VWC2: variants seen among roughly 807,000 people sequenced by gnomAD.
The protein encoded by VWC2 is brorin.
VWC2 carries 14 observed loss-of-function variants against 29.8 expected under a neutral mutation model. The observed-to-expected ratio is 0.47, with a 90% CI of 0.31 to 0.74. The LOEUF (loss-of-function observed/expected upper bound fraction) is 0.74. Among genes scored for constraint, VWC2 ranks in the 30% least tolerant of loss-of-function variants. VWC2 has a pLI of 0.05. For missense variants in VWC2, 457 were observed against 459.8 expected, an observed-to-expected ratio of 0.99 and a Z score of 0.05; for synonymous variants, 213 against 199.0, an observed-to-expected ratio of 1.07 and a Z score of -0.59.
chr7:49,836,386 TG>T (rs1789658214), intron 3 of VWC2, among the ~76,000 whole-genome samples: 1 of 150,962 alleles, frequency 6.6e-6, no homozygotes, highest in Non-Finnish European at 1.5e-5. Flanking sequence ...CCCAGTACTT[TG>T]GGAGGCAGAA....
intron 3 of VWC2, among the ~76,000 whole-genome samples, chr7:49,804,626 G>C (rs1468469829): frequency 6.6e-6 from 1 of 152,148 alleles, no homozygotes; most frequent in East Asian, 1.9e-4. Flanking sequence ...TGAGAAGACA[G>C]GATTTCAACC....
chr7:49,781,398 C>G (rs992379834), intron 2 of VWC2, among the ~76,000 whole-genome samples: 6 of 152,086 alleles, frequency 3.9e-5, no homozygotes, highest in Non-Finnish European at 8.8e-5. Context: ...ACACCATAAT[C>G]TTTTACAGTG....
At chr7:49,810,209 A>G in intron 3 of VWC2, among the ~76,000 whole-genome samples, 1 of 152,000 alleles carries the variant, frequency 6.6e-6, no homozygotes, top group Non-Finnish European at 1.5e-5. Context: ...GCTAATAAAG[A>G]TTAATACCAG....
At chr7:49,875,114 G>A (rs1298226003) in intron 3 of VWC2, among the ~76,000 whole-genome samples, 1 of 151,320 alleles carries the variant, frequency 6.6e-6, no homozygotes. Context: ...GCTCATGCCT[G>A]TAATCCCAGC....
chr7:49,842,065 A>G (rs1789806986), intron 3 of VWC2, among the ~76,000 whole-genome samples: 1 of 152,150 alleles, frequency 6.6e-6, no homozygotes, highest in Non-Finnish European at 1.5e-5. Flanking sequence ...ACGAGGTTTC[A>G]CCATGTTGCC....
intron 3 of VWC2, among the ~76,000 whole-genome samples, chr7:49,805,755 G>A (rs1363658871): frequency 6.6e-6 from 1 of 152,148 alleles, no homozygotes; most frequent in African/African-American, 2.4e-5. Context: ...TGCTTTATAT[G>A]AAATTAAAAG....
intron 3 of VWC2, among the ~76,000 whole-genome samples, chr7:49,838,111 G>T (rs1052766334): frequency 5.3e-5 from 8 of 152,198 alleles, no homozygotes; most frequent in Non-Finnish European, 1.0e-4. Flanking sequence ...TAGCTAGGGG[G>T]ACAGAGGACT....
At chr7:49,843,847 T>C (rs1789855286) in intron 3 of VWC2, among the ~76,000 whole-genome samples, 1 of 152,206 alleles carries the variant, frequency 6.6e-6, no homozygotes, top group African/African-American at 2.4e-5. Context: ...AATCTGTCAG[T>C]TGTGCAGAGG....
At chr7:49,834,525 G>A (rs1220215956) in intron 3 of VWC2, among the ~76,000 whole-genome samples, 1 of 152,172 alleles carries the variant, frequency 6.6e-6, no homozygotes. Context: ...GTGTCAGTCT[G>A]TATTATATGC....
rs1169480763 is a variant in VWC2 at position 49,877,462 on chromosome 7, CAAAA to C, written c.827-34555_827-34552del. On this transcript the variant is annotated intron_variant, in intron 3 of 3. Coordinates refer to ENST00000340652, the MANE Select transcript of VWC2 (RefSeq NM_198570.5). The stretch of plus-strand genomic sequence containing the variant: ...GGGCAACAAGTAAGAAACTCTGTCT[CAAAA>C]AAAAAAAAAAAAAAAATATATATAT... 6.8e-3 allele frequency among the ~76,000 whole-genome samples: 48 copies of C among 7,050 alleles called. 1 individual carries two copies. The highest frequency in any genetic ancestry group is 0.25 in the Middle Eastern group (1 of 4). 4.6% of individuals were successfully genotyped at this position (7,050 alleles called of 152,430 possible).
chr7:49,793,496 T>A (rs571441807), intron 2 of VWC2, among the ~76,000 whole-genome samples: 286 of 152,346 alleles, frequency 1.9e-3, no homozygotes, highest in Non-Finnish European at 3.4e-3. Flanking sequence ...TGAGCCTGTA[T>A]CTGTAAGCAA....
intron 3 of VWC2, among the ~76,000 whole-genome samples, chr7:49,855,524 A>G (rs2128718205): frequency 6.6e-6 from 1 of 152,284 alleles, no homozygotes; most frequent in Non-Finnish European, 1.5e-5. Flanking sequence ...GAGGTAAGGA[A>G]GGCTCAGCGA....
rs1793834283 is a variant in VWC2, at chr7:49,918,380, A to G, written c.*6195A>G. The G allele has an allele frequency of 6.6e-6, 1 of 152,184 alleles. No individual in the cohort carries two copies. The highest frequency in any genetic ancestry group is 2.4e-5 in the African/African-American group (1 of 41,448). 9.4% of individuals were successfully genotyped at this position (152,184 alleles called of 1,614,324 possible). A position where few individuals can be genotyped will look rare whatever the true frequency, so the allele number is the denominator to read the frequency against. Reference sequence around the variant, plus strand: ...TGGTCTTTTACCCCACTCCCCATAAATAAGATAATGAATAGCAACACTGAT... The same window carrying G: ...TGGTCTTTTACCCCACTCCCCATAAGTAAGATAATGAATAGCAACACTGAT... On this transcript the variant is annotated 3_prime_UTR_variant, in exon 4 of 4. Transcript: ENST00000340652.
chr7:49,829,236 C>A (rs545378716), intron 3 of VWC2, among the ~76,000 whole-genome samples: 3 of 152,336 alleles, frequency 2.0e-5, no homozygotes, highest in Non-Finnish European at 4.4e-5. Context: ...CAGGATTTCT[C>A]TTTAGCAGTG....
intron 3 of VWC2, among the ~76,000 whole-genome samples, chr7:49,903,956 G>T (rs926782076): frequency 6.6e-6 from 1 of 152,146 alleles, no homozygotes; most frequent in African/African-American, 2.4e-5. Flanking sequence ...CTCACAGATT[G>T]GTTGGATCAG....
intron 3 of VWC2, among the ~76,000 whole-genome samples, chr7:49,866,359 A>AC (rs1790890508): frequency 1.3e-5 from 2 of 151,920 alleles, no homozygotes; most frequent in Admixed American, 6.6e-5. Context: ...TGCTTTTCTA[A>AC]CCCCTGCCTT....
chr7:49,850,722 A>G (rs1472256913), intron 3 of VWC2, among the ~76,000 whole-genome samples: 2 of 152,250 alleles, frequency 1.3e-5, no homozygotes, highest in Non-Finnish European at 2.9e-5. Flanking sequence ...TTGGTCTCCA[A>G]TATCTCACCT....
intron 3 of VWC2, among the ~76,000 whole-genome samples, chr7:49,836,430 A>G (rs530021692): frequency 5.3e-4 from 80 of 150,352 alleles, no homozygotes; most frequent in South Asian, 8.5e-4. Flanking sequence ...CGAGTTCAAA[A>G]CCAGTCTGGC....
chr7:49,886,934 A>AT (rs961452019), intron 3 of VWC2, among the ~76,000 whole-genome samples: 3 of 149,752 alleles, frequency 2.0e-5, no homozygotes, highest in Non-Finnish European at 4.5e-5. Flanking sequence ...CTTTTTAGTT[A>AT]TTTTTTTTTC....
Sources: gnomAD v4.1 joint callset for allele counts (sites outside exome capture counted in the v4.1 genomes callset) on GRCh38, gnomAD v4.1.1 for gene constraint, MANE v1.5 for transcripts, NCBI Gene and HGNC (gene_info 2026-07-23, HGNC 2026-07-21) for gene names.